Variants in SULT2B1 observed in about 807,000 individuals in gnomAD.
SULT2B1 encodes sulfotransferase 2B1.
Under a neutral mutation model 33.2 loss-of-function variants are expected in SULT2B1, and 16 were observed. That is an observed-to-expected ratio of 0.48 (90% confidence interval 0.33 to 0.73). The LOEUF is 0.73. Ranked by LOEUF, SULT2B1 falls within the 30% of genes least tolerant of loss-of-function variation. The pLI, the probability that SULT2B1 is intolerant of heterozygous loss-of-function variation, is 0.02. For synonymous variants in SULT2B1, 186 were observed against 200.5 expected, an observed-to-expected ratio of 0.93 and a Z score of 0.61; for missense variants, 500 against 506.0, an observed-to-expected ratio of 0.99 and a Z score of 0.11.
intron 1 of SULT2B1, among the ~76,000 whole-genome samples, chr19:48,568,226 C>T (rs1973269565): frequency 6.8e-6 from 1 of 146,434 alleles, no homozygotes; most frequent in Non-Finnish European, 1.5e-5. Context: ...GTCGAGGGTG[C>T]AGTGAGCCAA....
chr19:48,555,643 C>T (rs369285850), intron 1 of SULT2B1, among the ~76,000 whole-genome samples: 3 of 151,760 alleles, frequency 2.0e-5, no homozygotes, highest in South Asian at 2.1e-4. Context: ...GGCACAATCT[C>T]GGCTCACTGC....
chr19:48,571,967 A>G (rs1973335798), intron 1 of SULT2B1, among the ~76,000 whole-genome samples: 1 of 152,172 alleles, frequency 6.6e-6, no homozygotes, highest in Admixed American at 6.6e-5. Flanking sequence ...AGGGGACTAT[A>G]TTAACCTCTC....
Position 48,552,440 on chromosome 19 carries a change from A to C in SULT2B1, c.71+117A>C, listed in dbSNP as rs1973042155. ...CCACCCGCAGCCGCAGGCCTGGCCC[A>C]GACTTAGCTGGAGGGGCTGGGCTGG... On this transcript the variant is annotated intron_variant, in intron 1 of 6. Coordinates refer to ENST00000201586, the MANE Select transcript of SULT2B1 (RefSeq NM_177973.2). The surrounding 1 kb of genome is among the most constrained non-coding windows in gnomAD (Gnocchi z 4.8). 1 of 1,115,310 alleles carries C rather than the reference A, an allele frequency of 9.0e-7. No individual in the cohort carries two copies. Among genetic ancestry groups the C allele is most frequent in the African/African-American group, 1.6e-5 (1 of 63,188 alleles). The allele number at this position is 1,115,310 out of a possible 1,614,324, so 69.1% of individuals were successfully genotyped here. A position where few individuals can be genotyped will look rare whatever the true frequency, so the allele number is the denominator to read the frequency against.
chr19:48,597,446 T>C (rs7408540), intron 6 of SULT2B1, among the ~76,000 whole-genome samples: 129,054 of 148,738 alleles, frequency 0.87, 55,927 homozygotes, highest in East Asian at 0.99. Flanking sequence ...CAGGTTCAAG[T>C]GATTCTCCTT....
At chr19:48,576,359 C>CTTTCTTTTTTTTTT in intron 2 of SULT2B1, among the ~76,000 whole-genome samples, 1 of 96,712 alleles carries the variant, frequency 1.0e-5, no homozygotes, top group African/African-American at 4.3e-5. Flanking sequence ...CTCTACTTCT[C>CTTTCTTTTTTTTTT]TTTTTTTTTT....
intron 1 of SULT2B1, among the ~76,000 whole-genome samples, chr19:48,553,971 C>CT (rs533943916): frequency 0.091 from 13,801 of 151,962 alleles, 1,952 homozygotes; most frequent in African/African-American, 0.3. Context: ...ACCTGGGAGC[C>CT]TTTTTTTTAT....
chr19:48,593,355 C>T (rs558427238), intron 5 of SULT2B1, among the ~76,000 whole-genome samples: 28 of 152,158 alleles, frequency 1.8e-4, no homozygotes. Context: ...AGTTCAAGAC[C>T]AGCCTGGCCA....
intron 1 of SULT2B1, among the ~76,000 whole-genome samples, chr19:48,557,981 A>G: frequency 6.6e-6 from 1 of 152,134 alleles, no homozygotes; most frequent in East Asian, 1.9e-4. Context: ...AACATTTGGC[A>G]CAGGCGGTAG....
chr19:48,572,136 A>G (rs113673162), intron 1 of SULT2B1, among the ~76,000 whole-genome samples: 2,447 of 151,940 alleles, frequency 0.016, no homozygotes, highest in African/African-American at 0.055. Context: ...AGGGGGATGG[A>G]CAGAGGGAAT....
chr19:48,563,994 A>T lies in SULT2B1; in HGVS notation c.71+11671A>T, dbSNP rs529592322. Among the ~76,000 whole-genome samples, 225 of 151,120 alleles carry T rather than the reference A, an allele frequency of 1.5e-3. 2 individuals carry two copies. In the Middle Eastern group the frequency reaches 0.024, roughly 16 times the overall value. On this transcript the variant is annotated intron_variant, in intron 1 of 6. Coordinates refer to ENST00000201586, the MANE Select transcript of SULT2B1 (RefSeq NM_177973.2). ...AAAAAACAAAAGAAGAGGAAGAAGA[A>T]GAAGAAGACTGGGCTGAGGTGGGTT...
intron 1 of SULT2B1, among the ~76,000 whole-genome samples, chr19:48,561,227 C>G (rs541901555): frequency 6.6e-6 from 1 of 151,878 alleles, no homozygotes. Context: ...GTGGGGAGTT[C>G]CAGACCAGCC....
At position 48,573,112 on chromosome 19, in the gene SULT2B1, G is replaced by A. The variant is rs187616922; in HGVS notation, c.72-2829G>A. Among the ~76,000 whole-genome samples, 1,146 of 150,434 alleles carry A rather than the reference G, an allele frequency of 7.6e-3. 12 individuals are homozygous for A. Among genetic ancestry groups the A allele is most frequent in the African/African-American group, 0.026 (1,075 of 40,818 alleles). Reference sequence around the variant, plus strand: ...GCGGAGGTTGCAGTGAGCCGAGATCGTGTCACTGTACTCCAGCCTGGTGAC... The same window carrying A: ...GCGGAGGTTGCAGTGAGCCGAGATCATGTCACTGTACTCCAGCCTGGTGAC... On this transcript the variant is annotated intron_variant, in intron 1 of 6. Coordinates refer to ENST00000201586, the MANE Select transcript of SULT2B1 (RefSeq NM_177973.2).
At chr19:48,589,561 G>T (rs1454725736) in intron 3 of SULT2B1, among the ~76,000 whole-genome samples, 1 of 152,196 alleles carries the variant, frequency 6.6e-6, no homozygotes, top group African/African-American at 2.4e-5. Flanking sequence ...CAATCAGGAA[G>T]TCCCCAAGAC....
chr19:48,582,163 C>A (rs1290090924), intron 2 of SULT2B1, among the ~76,000 whole-genome samples: 1 of 152,046 alleles, frequency 6.6e-6, no homozygotes, highest in Non-Finnish European at 1.5e-5. Context: ...CCTCGGCCTC[C>A]CAAAGTGCAG....
At chr19:48,578,648 G>T (rs1456021859) in intron 2 of SULT2B1, among the ~76,000 whole-genome samples, 1 of 151,646 alleles carries the variant, frequency 6.6e-6, no homozygotes, top group Non-Finnish European at 1.5e-5. Context: ...AGGCTGAGGC[G>T]GGTGGATCAT....
At chr19:48,574,916 A>G (rs1219767235) in intron 1 of SULT2B1, among the ~76,000 whole-genome samples, 1 of 152,094 alleles carries the variant, frequency 6.6e-6, no homozygotes, top group Non-Finnish European at 1.5e-5. Flanking sequence ...ATAACTGATG[A>G]CATCACTGAA....
chr19:48,596,668 G>A (rs777282944), intron 5 of SULT2B1, 71 bp from the exon 6 acceptor site: 18 of 1,461,344 alleles, frequency 1.2e-5, no homozygotes, highest in African/African-American at 8.4e-5. Flanking sequence ...CCAGACATGC[G>A]GATCCCAGGT....
intron 3 of SULT2B1, chr19:48,591,208 G>A (rs1973638509): frequency 6.5e-6 from 1 of 154,788 alleles, no homozygotes; most frequent in South Asian, 2.0e-4. Flanking sequence ...TCCTGTGTGT[G>A]GGGCTCTGGG....
intron 6 of SULT2B1, among the ~76,000 whole-genome samples, chr19:48,598,357 C>T (rs1027532708): frequency 4.6e-5 from 7 of 151,900 alleles, no homozygotes; most frequent in Admixed American, 3.9e-4. Context: ...TTTGGGAGGC[C>T]GAGGCAGGTG....
Sources: gnomAD v4.1 joint callset for allele counts (sites outside exome capture counted in the v4.1 genomes callset) on GRCh38, gnomAD v4.1.1 for gene constraint, Gnocchi (gnomAD v3.1) non-coding constraint, MANE v1.5 for transcripts, NCBI Gene and HGNC (gene_info 2026-07-23, HGNC 2026-07-21) for gene names.